IMMP2L: variants seen among roughly 807,000 people sequenced by gnomAD.
The protein encoded by IMMP2L is mitochondrial inner membrane protease subunit 2.
Under a neutral mutation model 19.3 loss-of-function variants are expected in IMMP2L, and 18 were observed. The observed-to-expected ratio is 0.93, with a 90% CI of 0.64 to 1.38. The LOEUF (loss-of-function observed/expected upper bound fraction) is 1.38, where lower values mean the gene tolerates loss of function less well. Among genes scored for constraint, IMMP2L ranks in the 40% most tolerant of loss-of-function variants. The probability of loss-of-function intolerance (pLI) is 0.00; values close to 1 mark genes in which losing one functional copy is unlikely to be tolerated. For synonymous variants in IMMP2L, 76 were observed against 73.0 expected, an observed-to-expected ratio of 1.04 and a Z score of -0.21; for missense variants, 233 against 218.2, an observed-to-expected ratio of 1.07 and a Z score of -0.43.
chr7:110,886,648 A>T lies in IMMP2L; in HGVS notation c.353T>A (p.Ile118Asn), dbSNP rs1563054640. The change falls in exon 5 of 6, where the codon ATC becomes AAC. Residue 118 changes from isoleucine (I) to asparagine (N), a missense_variant. Ile to Asn is a moderately radical substitution (Grantham distance 149, BLOSUM62 -3). Transcript: ENST00000405709. ...TCCATGATGATCACCTTCAACCCAG[A>T]TGTGACCACGGGGGACTTTGACATA... ...NRYVKVPRGH[I>N]WVEGDHHGHS... 1 of 1,610,586 alleles carries T rather than the reference A, an allele frequency of 6.2e-7. No individual in the cohort carries two copies. Among genetic ancestry groups the T allele is most frequent in the Non-Finnish European group, 8.5e-7 (1 of 1,176,968 alleles).
At chr7:111,132,182 A>G (rs769386973) in intron 3 of IMMP2L, among the ~76,000 whole-genome samples, 1 of 152,028 alleles carries the variant, frequency 6.6e-6, no homozygotes, top group Non-Finnish European at 1.5e-5. Flanking sequence ...AGGAAAACCT[A>G]TGCATATTCT....
At chr7:111,411,152 A>ATTAT (rs1408153431) in intron 3 of IMMP2L, among the ~76,000 whole-genome samples, 10 of 151,554 alleles carry the variant, frequency 6.6e-5, no homozygotes, top group Admixed American at 1.3e-4. Flanking sequence ...AAAAAGGCAC[A>ATTAT]TAATATAGGA....
At chr7:111,086,880 C>T (rs932176187) in intron 3 of IMMP2L, among the ~76,000 whole-genome samples, 1 of 152,216 alleles carries the variant, frequency 6.6e-6, no homozygotes, top group East Asian at 1.9e-4. Flanking sequence ...CAACCACTGT[C>T]TTGTGCATAA....
chr7:110,822,518 C>A (rs564054542), intron 5 of IMMP2L, among the ~76,000 whole-genome samples: 51 of 152,210 alleles, frequency 3.4e-4, no homozygotes, highest in African/African-American at 1.2e-3. Flanking sequence ...CACTTGTCCA[C>A]TAAGAAATTT....
Position 111,191,475 on chromosome 7 carries a change from A to C in IMMP2L, c.240-227910T>G, listed in dbSNP as rs546188801. Among the ~76,000 whole-genome samples, 881 of 131,982 alleles carry C rather than the reference A, an allele frequency of 6.7e-3. 11 individuals are homozygous for C. The highest frequency in any genetic ancestry group is 0.024 in the African/African-American group (818 of 33,842). 86.6% of individuals were successfully genotyped at this position (131,982 alleles called of 152,430 possible). On this transcript the variant is annotated intron_variant, in intron 3 of 5. Coordinates refer to ENST00000405709, the MANE Select transcript of IMMP2L (RefSeq NM_032549.4). ...ACACACACACACACACACACACACA[A>C]AACTTATATGCTTTTACATCTAAAC...
chr7:111,479,229 G>T (rs1022502654), intron 3 of IMMP2L, among the ~76,000 whole-genome samples: 31 of 152,240 alleles, frequency 2.0e-4, no homozygotes, highest in African/African-American at 6.7e-4. Flanking sequence ...AGAACCCAAG[G>T]TGAAAAATGA....
At chr7:111,505,855 G>T (rs1844840069) in intron 2 of IMMP2L, among the ~76,000 whole-genome samples, 1 of 152,040 alleles carries the variant, frequency 6.6e-6, no homozygotes, top group South Asian at 2.1e-4. Flanking sequence ...AGCATTAGGA[G>T]ATATATGTAA....
At chr7:110,920,367 T>C (rs1474927248) in intron 4 of IMMP2L, among the ~76,000 whole-genome samples, 1 of 152,150 alleles carries the variant, frequency 6.6e-6, no homozygotes, top group Non-Finnish European at 1.5e-5. Context: ...GACAGTGAAA[T>C]GTGATGTACC....
At chr7:111,470,538 C>T (rs1282677765) in intron 3 of IMMP2L, among the ~76,000 whole-genome samples, 1 of 151,638 alleles carries the variant, frequency 6.6e-6, no homozygotes, top group Non-Finnish European at 1.5e-5. Flanking sequence ...GAATACTATG[C>T]AGCCATAAAA....
At chr7:111,282,587 A>AT (rs940886205) in intron 3 of IMMP2L, among the ~76,000 whole-genome samples, 40 of 150,188 alleles carry the variant, frequency 2.7e-4, no homozygotes, top group South Asian at 1.3e-3. Context: ...TCTTTTTTTG[A>AT]TTTTTTTTTT....
chr7:110,738,048 A>G (rs1704969859), intron 5 of IMMP2L, among the ~76,000 whole-genome samples: 1 of 152,196 alleles, frequency 6.6e-6, no homozygotes, highest in African/African-American at 2.4e-5. Context: ...GGGACAAAAA[A>G]TCTGCACAGC....
intron 3 of IMMP2L, among the ~76,000 whole-genome samples, chr7:111,083,348 C>A (rs535385014): frequency 6.6e-6 from 1 of 152,164 alleles, no homozygotes; most frequent in Non-Finnish European, 1.5e-5. Context: ...TACCTTCACA[C>A]TATGTTAATC....
At chr7:110,863,404 C>T (rs1200192502) in intron 5 of IMMP2L, among the ~76,000 whole-genome samples, 3 of 152,114 alleles carry the variant, frequency 2.0e-5, no homozygotes, top group Non-Finnish European at 4.4e-5. Context: ...GATTTTTCAA[C>T]ATTTTTGCTT....
chr7:110,947,477 C>G (rs2129553695), intron 4 of IMMP2L, among the ~76,000 whole-genome samples: 1 of 152,264 alleles, frequency 6.6e-6, no homozygotes, highest in African/African-American at 2.4e-5. Context: ...CAAAAGACGG[C>G]CCCAGAAATC....
At chr7:111,544,095 T>C (rs899672612) in intron 1 of IMMP2L, among the ~76,000 whole-genome samples, 3 of 152,132 alleles carry the variant, frequency 2.0e-5, no homozygotes, top group Non-Finnish European at 2.9e-5. Context: ...ATGTCCTTTG[T>C]AGGGACATGG....
intron 5 of IMMP2L, among the ~76,000 whole-genome samples, chr7:110,713,195 G>T (rs6953887): frequency 6.6e-6 from 1 of 151,982 alleles, no homozygotes; most frequent in Non-Finnish European, 1.5e-5. Context: ...TTTTTGTTGG[G>T]TTTGTCAAAG....
At chr7:111,493,542 A>T (rs1024518048) in intron 2 of IMMP2L, among the ~76,000 whole-genome samples, 7 of 151,384 alleles carry the variant, frequency 4.6e-5, no homozygotes, top group African/African-American at 1.7e-4. Flanking sequence ...CTCTACCAAA[A>T]ATGCAAAAAA....
chr7:111,217,437 T>C (rs1455003804), intron 3 of IMMP2L, among the ~76,000 whole-genome samples: 1 of 152,064 alleles, frequency 6.6e-6, no homozygotes, highest in Non-Finnish European at 1.5e-5. Context: ...AAGATGGTGT[T>C]CACCTTAGAC....
intron 3 of IMMP2L, among the ~76,000 whole-genome samples, chr7:111,050,125 A>G (rs1156534494): frequency 6.6e-6 from 1 of 152,232 alleles, no homozygotes; most frequent in Non-Finnish European, 1.5e-5. Context: ...CTCCAAAATG[A>G]AGTATATAAT....
Sources: gnomAD v4.1 joint callset for allele counts (sites outside exome capture counted in the v4.1 genomes callset) on GRCh38, gnomAD v4.1.1 for gene constraint, MANE v1.5 for transcripts, NCBI Gene and HGNC (gene_info 2026-07-23, HGNC 2026-07-21) for gene names.